The following INSYN2B variants were observed in gnomAD, a reference collection of about 807,000 sequenced individuals.
INSYN2B encodes the protein protein INSYN2B.
Under a neutral mutation model 41.2 loss-of-function variants are expected in INSYN2B, and 16 were observed. The observed-to-expected ratio is 0.39, with a 90% confidence interval of 0.26 to 0.59. INSYN2B has a LOEUF of 0.59. Among genes scored for constraint, INSYN2B ranks in the 20% least tolerant of loss-of-function variants. The probability of loss-of-function intolerance (pLI) is 0.57; values close to 1 mark genes in which losing one functional copy is unlikely to be tolerated. For missense variants in INSYN2B, 608 were observed against 646.4 expected, an observed-to-expected ratio of 0.94 and a Z score of 0.64; for synonymous variants, 245 against 244.4, an observed-to-expected ratio of 1.00 and a Z score of -0.02.
chr5:169,956,963 C>T (rs541141101), intron 1 of INSYN2B, among the ~76,000 whole-genome samples: 1 of 152,156 alleles, frequency 6.6e-6, no homozygotes, highest in African/African-American at 2.4e-5. Flanking sequence ...GAGTATGTCT[C>T]AATCATGAAC....
At chr5:169,963,852 G>A (rs561384799) in intron 1 of INSYN2B, among the ~76,000 whole-genome samples, 29 of 152,212 alleles carry the variant, frequency 1.9e-4, no homozygotes, top group Non-Finnish European at 7.4e-5. Flanking sequence ...AACATAGACC[G>A]CTGGGCCTAC....
At chr5:169,969,655 G>A (rs999548705) in intron 1 of INSYN2B, among the ~76,000 whole-genome samples, 1 of 152,206 alleles carries the variant, frequency 6.6e-6, no homozygotes, top group East Asian at 1.9e-4. Flanking sequence ...AAGGTCACAC[G>A]TGCAGTGCCT....
intron 1 of INSYN2B, among the ~76,000 whole-genome samples, chr5:169,965,836 C>T (rs1217755053): frequency 6.6e-6 from 1 of 152,172 alleles, no homozygotes; most frequent in Non-Finnish European, 1.5e-5. Flanking sequence ...TCATTTAACT[C>T]ATTGATGGCA....
At chr5:169,931,238 GA>G (rs1365249680) in intron 1 of INSYN2B, among the ~76,000 whole-genome samples, 2 of 152,206 alleles carry the variant, frequency 1.3e-5, no homozygotes, top group African/African-American at 4.8e-5. Flanking sequence ...GCATCCCAAA[GA>G]CGACCAGGAG....
intron 1 of INSYN2B, among the ~76,000 whole-genome samples, chr5:169,971,937 A>G (rs868563642): frequency 6.6e-6 from 1 of 152,120 alleles, no homozygotes; most frequent in Non-Finnish European, 1.5e-5. Flanking sequence ...TGAAGCAGCA[A>G]TTTCTCAGTA....
chr5:169,970,971 C>T (rs2113763528), intron 1 of INSYN2B, among the ~76,000 whole-genome samples: 1 of 152,028 alleles, frequency 6.6e-6, no homozygotes, highest in East Asian at 1.9e-4. Flanking sequence ...GCCATCCTCT[C>T]CAAGACAGGG....
chr5:169,979,726 C>T (rs879328104), intron 1 of INSYN2B, among the ~76,000 whole-genome samples: 2 of 152,158 alleles, frequency 1.3e-5, no homozygotes, highest in Non-Finnish European at 2.9e-5. Context: ...CACTACAAAT[C>T]GTACCAAAAG....
rs1308123474 is a variant in INSYN2B, at chr5:169,864,131, TC to T, written c.*141del. On this transcript the variant is annotated 3_prime_UTR_variant, in exon 4 of 4. Coordinates refer to ENST00000377365, the MANE Select transcript of INSYN2B (RefSeq NM_001129891.3). The stretch of plus-strand genomic sequence containing the variant: ...GGTGTCCAGCAGCGGCTACATCAGC[TC>T]CAAGGCTCTTCTGTTTCACAGGCCA... The T allele has an allele frequency of 1.9e-5, 14 of 734,790 alleles. 1 individual carries two copies. The East Asian group carries it at 3.8e-4, about 20-fold the overall frequency. The allele number at this position is 734,790 out of a possible 1,614,324, so 45.5% of individuals were successfully genotyped here. A position where few individuals can be genotyped will look rare whatever the true frequency, so the allele number is the denominator to read the frequency against.
At chr5:169,903,527 GC>G (rs1215493909) in intron 1 of INSYN2B, among the ~76,000 whole-genome samples, 2 of 151,292 alleles carry the variant, frequency 1.3e-5, no homozygotes. Context: ...GCCAGCGGGG[GC>G]CGGGGGGCAG....
intron 1 of INSYN2B, among the ~76,000 whole-genome samples, chr5:169,914,713 A>AGGAG (rs1294809435): frequency 7.2e-5 from 11 of 152,222 alleles, no homozygotes; most frequent in Non-Finnish European, 1.5e-4. Flanking sequence ...CAATCCCTGC[A>AGGAG]GGAGGAGCAG....
chr5:169,902,645 G>A (rs1773993388), intron 1 of INSYN2B, among the ~76,000 whole-genome samples: 1 of 152,202 alleles, frequency 6.6e-6, no homozygotes, highest in Non-Finnish European at 1.5e-5. Context: ...CTGGCATGAT[G>A]CTGAGTGTTC....
intron 3 of INSYN2B, among the ~76,000 whole-genome samples, chr5:169,873,796 A>C (rs910386872): frequency 6.6e-6 from 1 of 152,200 alleles, no homozygotes; most frequent in Non-Finnish European, 1.5e-5. Context: ...ACCAAGAAGG[A>C]AACTCCCAGA....
At chr5:169,875,649 A>G in intron 3 of INSYN2B, 1 of 188,082 alleles carries the variant, frequency 5.3e-6, no homozygotes, top group South Asian at 9.8e-5. Flanking sequence ...CCTGAGCAAC[A>G]GTTCCTTCAT....
chr5:169,895,864 A>G (rs936554738), intron 1 of INSYN2B, among the ~76,000 whole-genome samples: 2 of 152,200 alleles, frequency 1.3e-5, no homozygotes, highest in Admixed American at 6.5e-5. Flanking sequence ...CATAATAGAT[A>G]TAGTAAGAAT....
intron 1 of INSYN2B, among the ~76,000 whole-genome samples, chr5:169,928,658 T>C (rs1412475943): frequency 6.6e-6 from 1 of 152,166 alleles, no homozygotes; most frequent in African/African-American, 2.4e-5. Flanking sequence ...CAGAGAGATC[T>C]AAATACATCC....
Position 169,864,157 on chromosome 5 carries a change from A to T in INSYN2B, c.*116T>A. 1 of 920,448 alleles carries T rather than the reference A, an allele frequency of 1.1e-6. No individual in the cohort carries two copies. The highest frequency in any genetic ancestry group is 1.7e-6 in the Non-Finnish European group (1 of 599,174). 57.0% of individuals were successfully genotyped at this position (920,448 alleles called of 1,614,324 possible). A position where few individuals can be genotyped will look rare whatever the true frequency, so the allele number is the denominator to read the frequency against. ...CCAAGGCTCTTCTGTTTCACAGGCC[A>T]AGGGGCTCACAGCCCAGGGCCTTTG... On this transcript the variant is annotated 3_prime_UTR_variant, in exon 4 of 4. Coordinates refer to ENST00000377365, the MANE Select transcript of INSYN2B (RefSeq NM_001129891.3).
intron 1 of INSYN2B, among the ~76,000 whole-genome samples, chr5:169,966,323 A>T (rs1463768442): frequency 6.6e-6 from 1 of 152,210 alleles, no homozygotes; most frequent in Non-Finnish European, 1.5e-5. Flanking sequence ...GGCATGACTC[A>T]GAGTTTAAAA....
chr5:169,975,927 AAG>A (rs1448819568), intron 1 of INSYN2B, among the ~76,000 whole-genome samples: 3 of 152,190 alleles, frequency 2.0e-5, no homozygotes, highest in African/African-American at 7.2e-5. Context: ...AAATGTGTGA[AAG>A]AATTATCTCA....
chr5:169,889,418 T>C (rs1456925437), intron 1 of INSYN2B, among the ~76,000 whole-genome samples: 1 of 152,214 alleles, frequency 6.6e-6, no homozygotes, highest in Non-Finnish European at 1.5e-5. Context: ...GAAAAAGACC[T>C]GATCCCTATT....
Sources: gnomAD v4.1 joint callset for allele counts (sites outside exome capture counted in the v4.1 genomes callset) on GRCh38, gnomAD v4.1.1 for gene constraint, MANE v1.5 for transcripts, NCBI Gene and HGNC (gene_info 2026-07-23, HGNC 2026-07-21) for gene names.